The following XIRP2 variants were observed in gnomAD, a reference collection of about 807,000 sequenced individuals.
The protein encoded by XIRP2 is xin actin-binding repeat-containing protein 2.
A neutral mutation model predicts 277.0 loss-of-function variants in XIRP2; 236 were observed. That is an observed-to-expected ratio of 0.85 (90% CI 0.77 to 0.95). The LOEUF (loss-of-function observed/expected upper bound fraction) is 0.95. Ranked by LOEUF, XIRP2 falls within the 40% of genes least tolerant of loss-of-function variation. The pLI, the probability that XIRP2 is intolerant of heterozygous loss-of-function variation, is 0.00. For synonymous variants in XIRP2, 1,490 were observed against 1,416.5 expected, an observed-to-expected ratio of 1.05 and a Z score of -1.17; for missense variants, 4,640 against 4,157.5, an observed-to-expected ratio of 1.12 and a Z score of -3.19.
intron 2 of XIRP2, among the ~76,000 whole-genome samples, chr2:166,984,230 T>C (rs1033326087): frequency 9.2e-5 from 14 of 152,190 alleles, no homozygotes; most frequent in Non-Finnish European, 1.8e-4. Context: ...TTCTACCAAG[T>C]CTTCAAAAAG....
At position 166,903,858 on chromosome 2, in the gene XIRP2, A is replaced by G. The variant is rs770918416; in HGVS notation, c.376A>G (p.Ser126Gly). The change falls in exon 2 of 11, where the codon AGT becomes GGT. Residue 126 changes from serine (S) to glycine (G), a missense_variant. Physicochemically the swap from Ser to Gly is moderately conservative, Grantham distance 56. Transcript: ENST00000409195. ...ELRSVFEAPK[S>G]GNKPAEYGGK... ...GAGGAGTGTGTTTGAGGCTCCTAAGAGTGGAAACAAACCAGCTGAGTACGG... is the reference window on the plus strand; with the variant it reads ...GAGGAGTGTGTTTGAGGCTCCTAAGGGTGGAAACAAACCAGCTGAGTACGG... 6.2e-7 allele frequency: 1 copy of G among 1,613,470 alleles called. No individual in the cohort carries two copies. The highest frequency in any genetic ancestry group is 1.3e-5 in the African/African-American group (1 of 74,982).
At chr2:167,166,670 G>A (rs1692529075) in intron 3 of XIRP2, among the ~76,000 whole-genome samples, 1 of 152,076 alleles carries the variant, frequency 6.6e-6, no homozygotes, top group East Asian at 1.9e-4. Flanking sequence ...GGGATGTGTG[G>A]CACTCTTTTA....
At chr2:167,036,992 C>G (rs1490189130) in intron 2 of XIRP2, among the ~76,000 whole-genome samples, 2 of 152,158 alleles carry the variant, frequency 1.3e-5, no homozygotes, top group African/African-American at 4.8e-5. Context: ...TGAGGCCTCC[C>G]TAGCCATGTG....
chr2:167,031,924 G>C (rs1449487806), intron 2 of XIRP2, among the ~76,000 whole-genome samples: 2 of 152,046 alleles, frequency 1.3e-5, no homozygotes, highest in Non-Finnish European at 2.9e-5. Context: ...AGCTGCCATT[G>C]ACTTTTTCAA....
intron 3 of XIRP2, among the ~76,000 whole-genome samples, chr2:167,181,117 T>C (rs1219740455): frequency 2.0e-5 from 3 of 152,210 alleles, no homozygotes; most frequent in African/African-American, 7.2e-5. Flanking sequence ...TCCCTATCTT[T>C]TCCTTTTCTC....
intron 3 of XIRP2, among the ~76,000 whole-genome samples, chr2:167,154,672 C>A (rs1373760960): frequency 6.6e-6 from 1 of 152,028 alleles, no homozygotes; most frequent in South Asian, 2.1e-4. Flanking sequence ...ACCCTAACAT[C>A]ACAATTAAAA....
At position 167,243,923 on chromosome 2, in the gene XIRP2, T is replaced by G. The variant is rs1325072980; in HGVS notation, c.2531T>G (p.Met844Arg). 1.2e-6 allele frequency: 2 copies of G among 1,613,958 alleles called. No homozygotes were observed. The highest frequency in any genetic ancestry group is 1.7e-6 in the Non-Finnish European group (2 of 1,179,978). ...ACAGATGTCTCCAGAAAGTGTTGGA[T>G]GTTTGAAACCCAGCCATTAGACATT... is the stretch of plus-strand genomic sequence containing the variant. ...IGTDVSRKCW[M>R]FETQPLDILK... Residue 844 changes from methionine (M) to arginine (R), a missense_variant, in exon 9 of 11, where the codon ATG becomes AGG. By Grantham distance (91) the Met-to-Arg change is moderately conservative. Coordinates refer to ENST00000409195, the MANE Select transcript of XIRP2 (RefSeq NM_152381.6).
rs781535328 is a variant in XIRP2 at position 167,245,307 on chromosome 2, A to G, written c.3915A>G (p.Ile1305Met). The change falls in exon 9 of 11, where the codon ATA (isoleucine) becomes ATG (methionine). Residue 1305 changes from isoleucine (I) to methionine (M), a missense_variant. Physicochemically the swap from Ile to Met is conservative, Grantham distance 10 (BLOSUM62 1). Transcript: ENST00000409195. ...AGAAAACAATTACTGAAGAAGTAATACAGGGTGATGTAAAAAGCTACAGAA... is the reference window on the plus strand; with the variant it reads ...AGAAAACAATTACTGAAGAAGTAATGCAGGGTGATGTAAAAAGCTACAGAA... ...STKKTITEEV[I>M]QGDVKSYRML... The G allele has an allele frequency of 6.2e-7, 1 of 1,613,742 alleles. No homozygotes were observed. The highest frequency in any genetic ancestry group is 1.1e-5 in the South Asian group (1 of 91,062).
intron 3 of XIRP2, among the ~76,000 whole-genome samples, chr2:167,197,685 C>A (rs1160307032): frequency 2.0e-5 from 3 of 152,060 alleles, no homozygotes; most frequent in Non-Finnish European, 4.4e-5. Context: ...TGTGTGGTGA[C>A]CAGCCTTCCA....
At chr2:166,956,226 A>G (rs1329866847) in intron 2 of XIRP2, among the ~76,000 whole-genome samples, 1 of 151,786 alleles carries the variant, frequency 6.6e-6, no homozygotes, top group Non-Finnish European at 1.5e-5. Context: ...GAATTAAGTG[A>G]TGTGATTGGT....
chr2:167,163,953 C>T (rs1297567588), intron 3 of XIRP2, among the ~76,000 whole-genome samples: 1 of 152,162 alleles, frequency 6.6e-6, no homozygotes, highest in African/African-American at 2.4e-5. Flanking sequence ...ATAATTTCAA[C>T]ATAATACATT....
chr2:167,137,519 A>G (rs992294156), intron 3 of XIRP2, among the ~76,000 whole-genome samples: 9 of 151,556 alleles, frequency 5.9e-5, no homozygotes, highest in Non-Finnish European at 1.3e-4. Flanking sequence ...TGGCAAACTG[A>G]TCGAAGTTAC....
chr2:167,248,379 G>C lies in XIRP2; in HGVS notation c.6987G>C (p.Leu2329=). 4 of 1,613,444 alleles carry C rather than the reference G, an allele frequency of 2.5e-6. No individual in the cohort carries two copies. Among genetic ancestry groups the C allele is most frequent in the Non-Finnish European group, 2.5e-6 (3 of 1,179,758 alleles). Reference sequence around the variant, plus strand: ...AAAAAAATGGGTTTCTTCCCTCACTGTCCACAGAGAAGATAAAGGCTGAAT... The same window carrying C: ...AAAAAAATGGGTTTCTTCCCTCACTCTCCACAGAGAAGATAAAGGCTGAAT... ...FPEKNGFLPS[L]STEKIKAEFE... Residue 2329 remains leucine (L), a synonymous_variant, in exon 9 of 11, where the codon CTG becomes CTC. Transcript: ENST00000409195.
At chr2:167,017,674 C>T (rs957449415) in intron 2 of XIRP2, among the ~76,000 whole-genome samples, 5 of 151,914 alleles carry the variant, frequency 3.3e-5, no homozygotes, top group African/African-American at 9.7e-5. Context: ...CTTGGTTCCT[C>T]GACTCATGTA....
At chr2:167,234,122 T>C (rs190871882) in intron 5 of XIRP2, among the ~76,000 whole-genome samples, 1 of 151,702 alleles carries the variant, frequency 6.6e-6, no homozygotes, top group African/African-American at 2.4e-5. Context: ...AAAACTAGCA[T>C]TGCTTATTCA....
intron 2 of XIRP2, among the ~76,000 whole-genome samples, chr2:167,100,477 A>G (rs1184107777): frequency 6.6e-6 from 1 of 152,232 alleles, no homozygotes; most frequent in Non-Finnish European, 1.5e-5. Flanking sequence ...TCTCCTATCT[A>G]GCACCACCAA....
chr2:167,170,322 CAT>C (rs758899306), intron 3 of XIRP2, among the ~76,000 whole-genome samples: 54 of 152,158 alleles, frequency 3.5e-4, no homozygotes, highest in Non-Finnish European at 5.9e-4. Context: ...TTCAAAAAAA[CAT>C]GTCAGGAAGT....
chr2:166,925,086 C>T (rs1685146817), intron 2 of XIRP2, among the ~76,000 whole-genome samples: 1 of 151,968 alleles, frequency 6.6e-6, no homozygotes, highest in Non-Finnish European at 1.5e-5. Flanking sequence ...GTATTTCAGG[C>T]TATGCATTCA....
At chr2:167,088,362 T>A (rs1338352675) in intron 2 of XIRP2, among the ~76,000 whole-genome samples, 1 of 152,046 alleles carries the variant, frequency 6.6e-6, no homozygotes, top group Non-Finnish European at 1.5e-5. Flanking sequence ...TAGGTGACAT[T>A]TCCACATGTT....
Sources: gnomAD v4.1 joint callset for allele counts (sites outside exome capture counted in the v4.1 genomes callset) on GRCh38, gnomAD v4.1.1 for gene constraint, MANE v1.5 for transcripts, NCBI Gene and HGNC (gene_info 2026-07-23, HGNC 2026-07-21) for gene names.